Variants in UTP4 observed in about 807,000 individuals in gnomAD.
UTP4 encodes the protein UTP4 small subunit processome component.
Under a neutral mutation model 82.4 loss-of-function variants are expected in UTP4, and 45 were observed. The observed-to-expected ratio is 0.55, with a 90% CI of 0.43 to 0.70. UTP4 has a LOEUF of 0.70. Among genes scored for constraint, UTP4 ranks in the 30% least tolerant of loss-of-function variants. The pLI, the probability that UTP4 is intolerant of heterozygous loss-of-function variation, is 0.00. For missense variants in UTP4, 819 were observed against 858.3 expected, an observed-to-expected ratio of 0.95 and a Z score of 0.57; for synonymous variants, 348 against 300.3, an observed-to-expected ratio of 1.16 and a Z score of -1.64.
At position 69,157,249 on chromosome 16, in the gene UTP4, CT is replaced by C. The variant is rs1256979157; in HGVS notation, c.1444+10del. On this transcript the variant is annotated intron_variant, in intron 12 of 16. Transcript: ENST00000314423. ...TTTCCAGCCTCAGTCAGGTGGGAAT[CT>C]GGTAACTGGCCATGGGGAGACTTGT... The C allele has an allele frequency of 1.9e-6, 3 of 1,613,604 alleles. No individual in the cohort carries two copies. The highest frequency in any genetic ancestry group is 1.7e-6 in the Non-Finnish European group (2 of 1,179,884).
At chr16:69,141,792 A>G (rs1451683536) in intron 5 of UTP4, among the ~76,000 whole-genome samples, 1 of 149,522 alleles carries the variant, frequency 6.7e-6, no homozygotes, top group Non-Finnish European at 1.5e-5. Flanking sequence ...CATTCTCTTT[A>G]TGTTTCATTA....
At chr16:69,139,682 A>ATAAAT (rs1175302824) in intron 4 of UTP4, 143 bp from the exon 5 acceptor site, 1 of 342,606 alleles carries the variant, frequency 2.9e-6, no homozygotes, top group South Asian at 7.4e-5. Context: ...AAATAAATAA[A>ATAAAT]TAAAATGGTG....
chr16:69,157,117 C>T lies in UTP4; in HGVS notation c.1321C>T (p.Leu441Phe). The change falls in exon 12 of 17, where the codon CTT becomes TTT. Residue 441 changes from leucine to phenylalanine, a missense_variant. Transcript: ENST00000314423. Reference sequence around the variant, plus strand: ...AATGCCAGCATTCCTTCGCTCTGCCCTTCAGATTTTGTTTTCTGAAGATTC... The same window carrying T: ...AATGCCAGCATTCCTTCGCTCTGCCTTTCAGATTTTGTTTTCTGAAGATTC... ...SKMPAFLRSA[L>F]QILFSEDSTK... is the part of the protein sequence containing the mutation. The T allele has an allele frequency of 6.2e-7, 1 of 1,614,196 alleles. No individual in the cohort carries two copies. Among genetic ancestry groups the T allele is most frequent in the African/African-American group, 1.3e-5 (1 of 75,050 alleles).
chr16:69,137,988 A>C lies in UTP4; in HGVS notation c.436+103A>C, dbSNP rs561584678. The C allele has an allele frequency of 6.6e-5, 52 of 787,924 alleles. 1 individual carries two copies. The highest frequency in any genetic ancestry group is 4.5e-4 in the Middle Eastern group (2 of 4,482). 48.8% of individuals were successfully genotyped at this position (787,924 alleles called of 1,614,324 possible). A position where few individuals can be genotyped will look rare whatever the true frequency, so the allele number is the denominator to read the frequency against. The stretch of plus-strand genomic sequence containing the variant: ...TTCCCATGAATCCAGGTAATATTTT[A>C]TCTCTACTGGGTACAGGGAGGGTAT... On this transcript the variant is annotated intron_variant, in intron 4 of 16. Transcript: ENST00000314423.
chr16:69,146,683 A>G (rs1266244016), intron 6 of UTP4, among the ~76,000 whole-genome samples: 1 of 152,098 alleles, frequency 6.6e-6, no homozygotes, highest in Non-Finnish European at 1.5e-5. Context: ...CAGTATGATG[A>G]AACCCTGTCT....
chr16:69,156,155 T>TTTC (rs72463058), intron 11 of UTP4, among the ~76,000 whole-genome samples, 162 bp downstream of exon 11: 8 of 64,054 alleles, frequency 1.2e-4, no homozygotes, highest in African/African-American at 4.3e-4. Flanking sequence ...TCTTTCTTTC[T>TTTC]TTTTTTTTTT....
rs376453043 is a variant in UTP4, at chr16:69,139,775, C to T, written c.437-50C>T. ...GTGGGAAGAGAGCTCAGTTACTCTT[C>T]GTATATTTATGTGTATGTCACTTTC... On this transcript the variant is annotated intron_variant, in intron 4 of 16. Transcript: ENST00000314423. The T allele has an allele frequency of 5.5e-4, 673 of 1,222,338 alleles. 7 individuals are homozygous for T. Among genetic ancestry groups the T allele is most frequent in the African/African-American group, 5.3e-3 (355 of 67,218 alleles). 75.7% of individuals were successfully genotyped at this position (1,222,338 alleles called of 1,614,324 possible). A position where few individuals can be genotyped will look rare whatever the true frequency, so the allele number is the denominator to read the frequency against.
Position 69,155,890 on chromosome 16 carries a change from G to C in UTP4, c.1184G>C (p.Cys395Ser). 3 of 1,614,062 alleles carry C rather than the reference G, an allele frequency of 1.9e-6. No homozygotes were observed. Among genetic ancestry groups the C allele is most frequent in the Non-Finnish European group, 2.5e-6 (3 of 1,179,960 alleles). Residue 395 changes from cysteine to serine, a missense_variant, in exon 11 of 17, where the codon TGT (cysteine) becomes TCT (serine). Transcript: ENST00000314423. The stretch of plus-strand genomic sequence containing the variant: ...TGCCAGGGTCCTGAGAACATTATCT[G>C]TAGCTGTATCTCCCCATGTGGAAGT... ...LKTKGPENIICSCISPCGSWI... is the reference protein window; with the variant it reads ...LKTKGPENIISSCISPCGSWI...
At chr16:69,146,864 G>A (rs1567604624) in intron 6 of UTP4, among the ~76,000 whole-genome samples, 1 of 151,600 alleles carries the variant, frequency 6.6e-6, no homozygotes, top group African/African-American at 2.4e-5. Flanking sequence ...TTAGCCGGGT[G>A]TGGTGGCGGG....
At chr16:69,137,745 G>C in intron 3 of UTP4, 56 bp from the exon 4 acceptor site, 1 of 920,318 alleles carries the variant, frequency 1.1e-6, no homozygotes. Flanking sequence ...TGTGTGTTTA[G>C]TCCTATAAAA....
chr16:69,135,218 G>T (rs555014412), intron 2 of UTP4, among the ~76,000 whole-genome samples: 1 of 152,202 alleles, frequency 6.6e-6, no homozygotes, highest in Non-Finnish European at 1.5e-5. Flanking sequence ...CAAAGCCACT[G>T]CTTAATGTTT....
intron 8 of UTP4, 137 bp from the exon 9 acceptor site, chr16:69,153,447 G>A (rs2152281091): frequency 1.4e-6 from 1 of 706,920 alleles, no homozygotes; most frequent in Non-Finnish European, 2.6e-6. Flanking sequence ...CCTGGCATAT[G>A]GGAGTACTTA....
chr16:69,134,935 C>T (rs938873547), intron 2 of UTP4, among the ~76,000 whole-genome samples: 6 of 151,766 alleles, frequency 4.0e-5, no homozygotes, highest in Non-Finnish European at 7.4e-5. Context: ...GATCTGCCCA[C>T]CTCAGCCTCC....
chr16:69,133,302 C>T (rs1962698306), intron 1 of UTP4, among the ~76,000 whole-genome samples, 156 bp from the exon 2 acceptor site: 2 of 151,898 alleles, frequency 1.3e-5, no homozygotes, highest in South Asian at 2.1e-4. Flanking sequence ...TTGAGTAATT[C>T]TTGTGGGGGG....
At chr16:69,154,703 C>T (rs1597146497) in intron 10 of UTP4, among the ~76,000 whole-genome samples, 1 of 136,226 alleles carries the variant, frequency 7.3e-6, no homozygotes, top group East Asian at 2.0e-4. Flanking sequence ...AAATAATGTG[C>T]TTTTATTTAT....
chr16:69,143,468 A>G (rs1358906377), intron 6 of UTP4, 79 bp downstream of exon 6: 10 of 1,243,912 alleles, frequency 8.0e-6, no homozygotes, highest in Non-Finnish European at 7.0e-6. Context: ...GTGACGTGCC[A>G]TGAACACTGG....
Position 69,133,629 on chromosome 16 carries a change from T to A in UTP4, c.159+11T>A, listed in dbSNP as rs761895192. 7.4e-6 allele frequency: 12 copies of A among 1,613,602 alleles called. No homozygotes were observed. The highest frequency in any genetic ancestry group is 1.0e-5 in the Non-Finnish European group (12 of 1,179,668). On this transcript the variant is annotated intron_variant, in intron 2 of 16. Coordinates refer to ENST00000314423, the MANE Select transcript of UTP4 (RefSeq NM_032830.3). ...TACTTTCAGGAGAAAGTAAGTCATT[T>A]GGGAGTCTGATATGGTGTTTTGATG... is the stretch of plus-strand genomic sequence containing the variant.
chr16:69,167,032 C>G (rs1455003310), intron 15 of UTP4, 43 bp from the exon 16 acceptor site: 1 of 1,369,934 alleles, frequency 7.3e-7, no homozygotes, highest in Admixed American at 1.7e-5. Flanking sequence ...TGCAGAAGCC[C>G]AATAAAAGTA....
intron 15 of UTP4, chr16:69,166,130 T>A (rs936205924): frequency 5.8e-6 from 1 of 172,560 alleles, no homozygotes; most frequent in African/African-American, 2.4e-5. Flanking sequence ...CTGTTTTGAT[T>A]CACCCTGAAT....
Sources: allele counts gnomAD v4.1 joint callset (sites outside exome capture counted in the v4.1 genomes callset), GRCh38; gene constraint gnomAD v4.1.1; transcripts MANE v1.5; gene names NCBI Gene and HGNC (gene_info 2026-07-23, HGNC 2026-07-21).